ST8SIA4: variants seen among roughly 807,000 people sequenced by gnomAD.
ST8SIA4 encodes CMP-N-acetylneuraminate-poly-alpha-2,8-sialyltransferase.
ST8SIA4 carries 15 observed loss-of-function variants against 33.9 expected under a neutral mutation model. The ratio of observed to expected loss-of-function variants is 0.44; its 90% CI spans 0.30 to 0.68. The LOEUF (loss-of-function observed/expected upper bound fraction) is 0.68, where lower values mean the gene tolerates loss of function less well. Among genes scored for constraint, ST8SIA4 ranks in the 30% least tolerant of loss-of-function variants. The pLI is 0.10. For missense variants in ST8SIA4, 321 were observed against 428.0 expected (o/e 0.75, Z 2.21); for synonymous variants, 171 against 151.2 (o/e 1.13, Z -0.96).
chr5:100,868,640 T>A (rs753993314), intron 3 of ST8SIA4, among the ~76,000 whole-genome samples: 3 of 152,072 alleles, frequency 2.0e-5, no homozygotes, highest in Non-Finnish European at 4.4e-5. Context: ...GTTTTATACA[T>A]CCTATTGCAT....
intron 3 of ST8SIA4, among the ~76,000 whole-genome samples, chr5:100,878,820 T>C (rs1752357780): frequency 6.6e-6 from 1 of 152,216 alleles, no homozygotes; most frequent in East Asian, 1.9e-4. Flanking sequence ...AAAATGTAGA[T>C]ACTTTCTAAA....
intron 2 of ST8SIA4, among the ~76,000 whole-genome samples, chr5:100,888,608 A>AT (rs1752592248): frequency 6.6e-6 from 1 of 151,904 alleles, no homozygotes; most frequent in African/African-American, 2.4e-5. Context: ...TAGTGCTCTT[A>AT]TTTTTTAAGC....
intron 3 of ST8SIA4, among the ~76,000 whole-genome samples, chr5:100,864,321 T>G (rs920090610): frequency 1.3e-5 from 2 of 152,026 alleles, no homozygotes; most frequent in Non-Finnish European, 2.9e-5. Flanking sequence ...ACGCCTGTAA[T>G]CCCAGCACTT....
At chr5:100,866,917 G>T (rs1752076923) in intron 3 of ST8SIA4, among the ~76,000 whole-genome samples, 1 of 151,992 alleles carries the variant, frequency 6.6e-6, no homozygotes, top group Admixed American at 6.6e-5. Context: ...TTAGGAACTT[G>T]CTGTTACACT....
At position 100,807,082 on chromosome 5, in the gene ST8SIA4, A is replaced by G. The variant is rs1249267440; in HGVS notation, c.*4765T>C. The stretch of plus-strand genomic sequence containing the variant: ...AAATAAATGGTTTGCCTAATTGCCA[A>G]CCACTAGGGCTAAGGGGAGTGGAAA... On this transcript the variant is annotated 3_prime_UTR_variant, in exon 5 of 5. Coordinates refer to ENST00000231461, the MANE Select transcript of ST8SIA4 (RefSeq NM_005668.6). 1 of 152,116 alleles carries G rather than the reference A, an allele frequency of 6.6e-6. No individual in the cohort carries two copies. The highest frequency in any genetic ancestry group is 1.5e-5 in the Non-Finnish European group (1 of 67,954). 9.4% of individuals were successfully genotyped at this position (152,116 alleles called of 1,614,324 possible). A position where few individuals can be genotyped will look rare whatever the true frequency, so the allele number is the denominator to read the frequency against.
chr5:100,826,241 T>C (rs1751141328), intron 4 of ST8SIA4, among the ~76,000 whole-genome samples: 1 of 152,160 alleles, frequency 6.6e-6, no homozygotes, highest in Admixed American at 6.5e-5. Context: ...AGTTCCCCTA[T>C]TCGTTGTTTC....
At chr5:100,813,658 GAAGAAA>G (rs1469199438) in intron 4 of ST8SIA4, among the ~76,000 whole-genome samples, 1 of 151,992 alleles carries the variant, frequency 6.6e-6, no homozygotes, top group East Asian at 1.9e-4. Context: ...TGAAGGCTTT[GAAGAAA>G]CTATGATGTG....
chr5:100,860,600 G>A (rs1198894171), intron 3 of ST8SIA4, among the ~76,000 whole-genome samples: 1 of 152,070 alleles, frequency 6.6e-6, no homozygotes, highest in African/African-American at 2.4e-5. Context: ...TTTGCTTTGA[G>A]GTAAAAAGTA....
At chr5:100,870,598 A>G (rs1752177579) in intron 3 of ST8SIA4, among the ~76,000 whole-genome samples, 1 of 152,270 alleles carries the variant, frequency 6.6e-6, no homozygotes, top group South Asian at 2.1e-4. Flanking sequence ...ATGGGTGAAA[A>G]CATTTAAAAC....
intron 3 of ST8SIA4, among the ~76,000 whole-genome samples, chr5:100,882,749 T>G (rs1752452956): frequency 6.6e-6 from 1 of 152,212 alleles, no homozygotes; most frequent in Non-Finnish European, 1.5e-5. Flanking sequence ...AAGGGGCCAA[T>G]GTAGAACTCA....
intron 3 of ST8SIA4, among the ~76,000 whole-genome samples, chr5:100,867,816 C>T (rs1055967439): frequency 1.3e-5 from 2 of 151,878 alleles, no homozygotes; most frequent in Non-Finnish European, 2.9e-5. Flanking sequence ...TGGTTTGATG[C>T]TCAAAAGATG....
chr5:100,881,654 T>A (rs1341431037), intron 3 of ST8SIA4, among the ~76,000 whole-genome samples: 3 of 152,142 alleles, frequency 2.0e-5, no homozygotes, highest in Non-Finnish European at 2.9e-5. Context: ...CTTGATATAG[T>A]TTAGCTGGGT....
At chr5:100,813,470 T>A (rs1315313517) in intron 4 of ST8SIA4, among the ~76,000 whole-genome samples, 1 of 152,046 alleles carries the variant, frequency 6.6e-6, no homozygotes, top group Non-Finnish European at 1.5e-5. Flanking sequence ...TCACAATTGT[T>A]TTGAGAACAT....
At chr5:100,853,072 C>G (rs1390943416) in intron 4 of ST8SIA4, among the ~76,000 whole-genome samples, 1 of 152,162 alleles carries the variant, frequency 6.6e-6, no homozygotes, top group African/African-American at 2.4e-5. Flanking sequence ...TTTTGCTGAA[C>G]TGTATTAACC....
intron 4 of ST8SIA4, among the ~76,000 whole-genome samples, chr5:100,812,734 T>C (rs998478611): frequency 3.3e-5 from 5 of 152,140 alleles, no homozygotes; most frequent in African/African-American, 1.2e-4. Flanking sequence ...TTTCCAGTTA[T>C]GCAATTTAAC....
At chr5:100,886,275 C>T in intron 3 of ST8SIA4, 68 bp downstream of exon 3, 1 of 1,553,760 alleles carries the variant, frequency 6.4e-7, no homozygotes, top group Non-Finnish European at 8.7e-7. Context: ...AATTTTCTAA[C>T]AGTTTTCCAC....
chr5:100,818,066 G>A (rs1420582332), intron 4 of ST8SIA4, among the ~76,000 whole-genome samples: 1 of 152,190 alleles, frequency 6.6e-6, no homozygotes, highest in Non-Finnish European at 1.5e-5. Flanking sequence ...TGAGGACACT[G>A]AGGCTTGGTG....
At chr5:100,832,368 C>T (rs547361101) in intron 4 of ST8SIA4, among the ~76,000 whole-genome samples, 4 of 152,108 alleles carry the variant, frequency 2.6e-5, no homozygotes, top group African/African-American at 9.6e-5. Flanking sequence ...AAGATATTTT[C>T]GTATCGCAGA....
At chr5:100,856,005 T>A in intron 4 of ST8SIA4, 98 bp downstream of exon 4, 1 of 1,095,108 alleles carries the variant, frequency 9.1e-7, no homozygotes, top group South Asian at 1.6e-5. Flanking sequence ...ATATATCCAT[T>A]TGGAGATTTT....
Sources: gnomAD v4.1 joint callset for allele counts (sites outside exome capture counted in the v4.1 genomes callset) on GRCh38, gnomAD v4.1.1 for gene constraint, MANE v1.5 for transcripts, NCBI Gene and HGNC (gene_info 2026-07-23, HGNC 2026-07-21) for gene names.